Variants in HIVEP3 observed in about 807,000 individuals in gnomAD.
The protein encoded by HIVEP3 is HIVEP zinc finger 3.
HIVEP3 carries 49 observed loss-of-function variants against 152.8 expected under a neutral mutation model. That is an observed-to-expected ratio of 0.32 (90% CI 0.26 to 0.41). The LOEUF (loss-of-function observed/expected upper bound fraction) is 0.41. HIVEP3 is among the 10% of genes least tolerant of loss of function. The pLI, the probability that HIVEP3 is intolerant of heterozygous loss-of-function variation, is 1.00. For missense variants in HIVEP3, 2,790 were observed against 3,103.3 expected (o/e 0.90, Z 2.40); for synonymous variants, 1,269 against 1,289.0 (o/e 0.98, Z 0.33).
chr1:41,950,209 A>G (rs2124490907), intron 1 of HIVEP3, among the ~76,000 whole-genome samples: 1 of 152,352 alleles, frequency 6.6e-6, no homozygotes, highest in East Asian at 1.9e-4. Context: ...GACAATGATC[A>G]GGATATAAAC....
chr1:41,829,173 C>A (rs1642889616), intron 1 of HIVEP3, among the ~76,000 whole-genome samples: 1 of 152,134 alleles, frequency 6.6e-6, no homozygotes, highest in South Asian at 2.1e-4. Context: ...GGGTATTATT[C>A]CATGGAAACA....
intron 2 of HIVEP3, among the ~76,000 whole-genome samples, chr1:41,675,032 T>C (rs1645933915): frequency 6.6e-6 from 1 of 152,098 alleles, no homozygotes; most frequent in South Asian, 2.1e-4. Context: ...TTCTGCTGGC[T>C]TCTCATTTAT....
At chr1:41,900,771 C>T (rs990117533) in intron 1 of HIVEP3, among the ~76,000 whole-genome samples, 2 of 152,180 alleles carry the variant, frequency 1.3e-5, no homozygotes, top group East Asian at 3.9e-4. Flanking sequence ...GTGGAAAGGC[C>T]ATAACTGGGA....
At position 41,662,284 on chromosome 1, in the gene HIVEP3, G is replaced by T. The variant is rs1053129623; in HGVS notation, c.-720-33337C>A. 6.9e-6 allele frequency: 1 copy of T among 145,736 alleles called. No homozygotes were observed. Among genetic ancestry groups the T allele is most frequent in the Non-Finnish European group, 1.5e-5 (1 of 65,632 alleles). The allele number at this position is 145,736 out of a possible 1,614,324, so 9.0% of individuals were successfully genotyped here. Reference sequence around the variant, plus strand: ...GGCTCCGCCCGGCGGTGCCCCAGGCGCTCGCTGGCGGCCCACGCGGCGCGG... The same window carrying T: ...GGCTCCGCCCGGCGGTGCCCCAGGCTCTCGCTGGCGGCCCACGCGGCGCGG... On this transcript the variant is annotated intron_variant, in intron 2 of 8. Coordinates refer to ENST00000372583, the MANE Select transcript of HIVEP3 (RefSeq NM_024503.5). The surrounding 1 kb of genome is among the most constrained non-coding windows in gnomAD (Gnocchi z 7.2).
intron 1 of HIVEP3, among the ~76,000 whole-genome samples, chr1:42,006,161 C>G (rs1000892516): frequency 6.6e-6 from 1 of 152,110 alleles, no homozygotes; most frequent in African/African-American, 2.4e-5. Flanking sequence ...AACTTGGAAA[C>G]CAAGATATGA....
At chr1:41,912,196 G>A (rs1644806934) in intron 1 of HIVEP3, among the ~76,000 whole-genome samples, 1 of 152,166 alleles carries the variant, frequency 6.6e-6, no homozygotes, top group Admixed American at 6.5e-5. Context: ...GAGAAGGAAT[G>A]GGATAGGGTG....
rs61775761 is a variant in HIVEP3, at chr1:41,918,109, C to T, written c.-801+304G>A. On this transcript the variant is annotated intron_variant, in intron 1 of 8. Transcript: ENST00000372583. This position sits in a 1 kb window ranked among gnomAD's most constrained non-coding sequence, Gnocchi z 4.3. ...CACGGCGCGCATAGGGTTACAGCCC[C>T]GCCGCCGCCGCCGCCGCCGCCGCCT... is the stretch of plus-strand genomic sequence containing the variant. Among the ~76,000 whole-genome samples, 1 of 146,424 alleles carries T rather than the reference C, an allele frequency of 6.8e-6. No individual in the cohort carries two copies. The highest frequency in any genetic ancestry group is 1.5e-5 in the Non-Finnish European group (1 of 66,180).
rs533552904 is a variant in HIVEP3, at chr1:41,584,980, C to A, written c.-183G>T. ...TCACTGGCTGTGAGTGGACTCGGAG[C>A]AGGTCATCAGGGCCCACGCTATTCT... On this transcript the variant is annotated 5_prime_UTR_variant, in exon 4 of 9. Transcript: ENST00000372583. The surrounding 1 kb of genome is among the most constrained non-coding windows in gnomAD (Gnocchi z 5.2). The A allele has an allele frequency of 6.5e-6, 3 of 461,674 alleles. No individual in the cohort carries two copies. The South Asian group carries it at 2.3e-4, about 35-fold the overall frequency. The allele number at this position is 461,674 out of a possible 1,614,324, so 28.6% of individuals were successfully genotyped here. A position where few individuals can be genotyped will look rare whatever the true frequency, so the allele number is the denominator to read the frequency against.
At chr1:41,646,837 G>T (rs1056544114) in intron 2 of HIVEP3, among the ~76,000 whole-genome samples, 1 of 152,158 alleles carries the variant, frequency 6.6e-6, no homozygotes, top group Non-Finnish European at 1.5e-5. Flanking sequence ...GAGGTCTGGA[G>T]GTCACACATC....
chr1:41,752,576 T>G (rs1647183913), intron 1 of HIVEP3, among the ~76,000 whole-genome samples: 1 of 152,156 alleles, frequency 6.6e-6, no homozygotes, highest in Non-Finnish European at 1.5e-5. Flanking sequence ...AGGCCAGCAG[T>G]TCTCAAAGTA....
intron 1 of HIVEP3, among the ~76,000 whole-genome samples, chr1:41,966,379 A>G (rs181014107): frequency 4.6e-5 from 7 of 152,276 alleles, no homozygotes; most frequent in Admixed American, 4.6e-4. Flanking sequence ...ACATATAACA[A>G]TATTAACCTT....
intron 1 of HIVEP3, among the ~76,000 whole-genome samples, chr1:41,741,808 C>G (rs1647000757): frequency 1.3e-5 from 2 of 152,214 alleles, no homozygotes; most frequent in African/African-American, 4.8e-5. Flanking sequence ...GCCTAAACAT[C>G]CCGATTTGTC....
upstream of HIVEP3, among the ~76,000 whole-genome samples, chr1:41,919,023 G>T (rs1644916276): frequency 6.6e-6 from 1 of 152,126 alleles, no homozygotes; most frequent in Non-Finnish European, 1.5e-5. Context: ...CATGCCTAAA[G>T]GCACAGTAGG....
chr1:41,700,904 G>C lies in HIVEP3; in HGVS notation c.-721+12C>G, dbSNP rs1475597329. 2 of 979,004 alleles carry C rather than the reference G, an allele frequency of 2.0e-6. No individual in the cohort carries two copies. Among genetic ancestry groups the C allele is most frequent in the South Asian group, 9.5e-5 (2 of 21,154 alleles). The allele number at this position is 979,004 out of a possible 1,614,324, so 60.6% of individuals were successfully genotyped here. A position where few individuals can be genotyped will look rare whatever the true frequency, so the allele number is the denominator to read the frequency against. ...ACTGCCCTGTGTCCTGTGGGGGATGGGGAGGGCTCACCTGCCAAAAACCAG... is the reference window on the plus strand; with the variant it reads ...ACTGCCCTGTGTCCTGTGGGGGATGCGGAGGGCTCACCTGCCAAAAACCAG... On this transcript the variant is annotated intron_variant, in intron 2 of 8. Transcript: ENST00000372583.
intron 1 of HIVEP3, among the ~76,000 whole-genome samples, chr1:41,828,842 C>G (rs940345786): frequency 6.6e-6 from 1 of 152,230 alleles, no homozygotes; most frequent in Non-Finnish European, 1.5e-5. Flanking sequence ...AGGGCTTGCA[C>G]GTAGTGCAGC....
At position 41,648,724 on chromosome 1, in the gene HIVEP3, A is replaced by G. The variant is rs375443092; in HGVS notation, c.-720-19777T>C. Among the ~76,000 whole-genome samples the G allele has an allele frequency of 2.0e-3, 305 of 152,336 alleles. 4 individuals are homozygous for G. The Middle Eastern group carries it at 0.027, about 14-fold the overall frequency. ...AGGACATGGACTGTAGGCCAACCCC[A>G]TCCTTGTACCAATGGCAAGACCAAG... On this transcript the variant is annotated intron_variant, in intron 2 of 8. Coordinates refer to ENST00000372583, the MANE Select transcript of HIVEP3 (RefSeq NM_024503.5).
chr1:41,745,636 AC>A (rs1484062032), intron 1 of HIVEP3, among the ~76,000 whole-genome samples: 5 of 152,312 alleles, frequency 3.3e-5, no homozygotes, highest in Middle Eastern at 3.4e-3. Context: ...TCTTTCCTCG[AC>A]AGAGGGAGGG....
chr1:41,945,348 T>G (rs1185467970), intron 1 of HIVEP3, among the ~76,000 whole-genome samples: 1 of 152,228 alleles, frequency 6.6e-6, no homozygotes, highest in Non-Finnish European at 1.5e-5. Flanking sequence ...AGAGTGCATG[T>G]ACCTTTTTCT....
At chr1:41,907,510 G>C (rs1168482953) in intron 1 of HIVEP3, among the ~76,000 whole-genome samples, 1 of 152,196 alleles carries the variant, frequency 6.6e-6, no homozygotes, top group Non-Finnish European at 1.5e-5. Context: ...GATGAGAAGT[G>C]AACAGAGAGG....
Sources: gnomAD v4.1 joint callset for allele counts (sites outside exome capture counted in the v4.1 genomes callset) on GRCh38, gnomAD v4.1.1 for gene constraint, Gnocchi (gnomAD v3.1) non-coding constraint, MANE v1.5 for transcripts, NCBI Gene and HGNC (gene_info 2026-07-23, HGNC 2026-07-21) for gene names.